FBLN5: variants seen among roughly 807,000 people sequenced by gnomAD.
FBLN5 encodes the protein fibulin 5.
In FBLN5, 24 loss-of-function variants were observed where a neutral mutation model predicts 61.6. That is an observed-to-expected ratio of 0.39 (90% CI 0.28 to 0.55). The LOEUF (loss-of-function observed/expected upper bound fraction) is 0.55. Among genes scored for constraint, FBLN5 ranks in the 20% least tolerant of loss-of-function variants. The pLI is 0.65. For missense variants in FBLN5, 470 were observed against 594.1 expected (o/e 0.79, Z 2.17); for synonymous variants, 213 against 219.8 (o/e 0.97, Z 0.27).
intron 2 of FBLN5, chr14:91,942,270 A>T: frequency 2.3e-6 from 1 of 438,680 alleles, no homozygotes; most frequent in South Asian, 1.6e-5. Flanking sequence ...TACTCCTCTG[A>T]GGGGTTTCAG....
chr14:91,883,568 C>T (rs1482526313), intron 7 of FBLN5, among the ~76,000 whole-genome samples: 3 of 137,880 alleles, frequency 2.2e-5, no homozygotes, highest in African/African-American at 7.9e-5. Context: ...ACTTCAGGAA[C>T]AATATTGTTC....
At chr14:91,914,909 C>T (rs1358472171) in intron 4 of FBLN5, among the ~76,000 whole-genome samples, 1 of 151,736 alleles carries the variant, frequency 6.6e-6, no homozygotes, top group Non-Finnish European at 1.5e-5. Context: ...CCTGTAATCC[C>T]AGCACTTTGG....
Position 91,937,116 on chromosome 14 carries a change from G to A in FBLN5, c.210C>T (p.Pro70=), listed in dbSNP as rs756637416. The A allele has an allele frequency of 1.9e-6, 3 of 1,613,936 alleles. No homozygotes were observed. The highest frequency in any genetic ancestry group is 3.3e-5 in the Admixed American group (2 of 59,976). Residue 70 remains proline, a synonymous_variant, in exon 4 of 11, where the codon CCC becomes CCT. Transcript: ENST00000342058. ...GCCCTCGATACACAGGGTTTGTCCG[G>A]GGAATGCATAAATACCCGCCATTTT... ...VNQNGGYLCI[P]RTNPVYRGPY... is the part of the protein sequence containing the mutation.
intron 4 of FBLN5, among the ~76,000 whole-genome samples, chr14:91,920,742 C>T (rs894678985): frequency 1.2e-4 from 18 of 152,194 alleles, no homozygotes; most frequent in African/African-American, 4.1e-4. Flanking sequence ...TCCTGGCAAG[C>T]CTCCAACCCA....
chr14:91,947,449 C>G lies in FBLN5; in HGVS notation c.-220G>C. ...CGCAAGCACCTGGTTTTGCTTAGCC[C>G]TCTTCAGTAATTCAGCATTAAACCA... is the stretch of plus-strand genomic sequence containing the variant. On this transcript the variant is annotated 5_prime_UTR_variant, in exon 1 of 11. Coordinates refer to ENST00000342058, the MANE Select transcript of FBLN5 (RefSeq NM_006329.4). This position sits in a 1 kb window ranked among gnomAD's most constrained non-coding sequence, Gnocchi z 4.3. 1.6e-6 allele frequency: 1 copy of G among 626,996 alleles called. No homozygotes were observed. Among genetic ancestry groups the G allele is most frequent in the South Asian group, 1.9e-5 (1 of 53,410 alleles). 38.8% of individuals were successfully genotyped at this position (626,996 alleles called of 1,614,324 possible). A position where few individuals can be genotyped will look rare whatever the true frequency, so the allele number is the denominator to read the frequency against.
chr14:91,893,015 G>A (rs1018311477), intron 5 of FBLN5, among the ~76,000 whole-genome samples: 25 of 151,932 alleles, frequency 1.6e-4, no homozygotes, highest in Non-Finnish European at 3.1e-4. Flanking sequence ...AGGAATGTCC[G>A]AGTTGCTGGC....
Position 91,881,285 on chromosome 14 carries a change from GACTT to G in FBLN5, c.989+3_989+6del. On this transcript the variant is annotated splice_donor_5th_base_variant and intron_variant, in intron 9 of 10. Coordinates refer to ENST00000342058, the MANE Select transcript of FBLN5 (RefSeq NM_006329.4). ...TTTCTATTCCCCAGGGGGACGCCGT[GACTT>G]ACTTATCACTGATCCTCAGATAAGG... The G allele has an allele frequency of 6.2e-7, 1 of 1,613,998 alleles. No homozygotes were observed. Among genetic ancestry groups the G allele is most frequent in the Non-Finnish European group, 8.5e-7 (1 of 1,179,948 alleles).
At chr14:91,881,091 T>A (rs1222207109) in intron 9 of FBLN5, among the ~76,000 whole-genome samples, 1 of 151,300 alleles carries the variant, frequency 6.6e-6, no homozygotes, top group Non-Finnish European at 1.5e-5. Context: ...TATTCCAGTC[T>A]GTTCTATCTA....
intron 5 of FBLN5, among the ~76,000 whole-genome samples, chr14:91,893,101 G>C (rs1030080538): frequency 6.6e-6 from 1 of 151,940 alleles, no homozygotes; most frequent in Non-Finnish European, 1.5e-5. Flanking sequence ...CGCCCCTTGT[G>C]GTGGGAAAAA....
intron 3 of FBLN5, chr14:91,939,986 C>T (rs573227063): frequency 5.5e-5 from 25 of 453,634 alleles, no homozygotes; most frequent in South Asian, 2.2e-4. Flanking sequence ...AAGTGAGAAA[C>T]GCTTGACTCG....
At chr14:91,910,769 G>A (rs1378165836) in intron 4 of FBLN5, among the ~76,000 whole-genome samples, 1 of 152,052 alleles carries the variant, frequency 6.6e-6, no homozygotes, top group South Asian at 2.1e-4. Flanking sequence ...ACGGAATCAG[G>A]GTAGAGTGCT....
intron 9 of FBLN5, among the ~76,000 whole-genome samples, chr14:91,880,997 C>T (rs1329862853): frequency 6.6e-6 from 1 of 152,114 alleles, no homozygotes; most frequent in Non-Finnish European, 1.5e-5. Context: ...CTTTGCACTG[C>T]AAACCAGTAG....
intron 10 of FBLN5, among the ~76,000 whole-genome samples, chr14:91,871,148 G>A (rs78742820): frequency 0.011 from 1,559 of 147,330 alleles, 23 homozygotes; most frequent in African/African-American, 0.035. Flanking sequence ...ATGTACTCTT[G>A]AAAGTGGAAT....
At chr14:91,918,053 C>T (rs1891270229) in intron 4 of FBLN5, among the ~76,000 whole-genome samples, 1 of 152,206 alleles carries the variant, frequency 6.6e-6, no homozygotes, top group African/African-American at 2.4e-5. Context: ...CTGTACCACC[C>T]ATGAACCAGT....
At chr14:91,924,685 G>A (rs1479211839) in intron 4 of FBLN5, among the ~76,000 whole-genome samples, 8 of 152,122 alleles carry the variant, frequency 5.3e-5, no homozygotes, top group East Asian at 1.9e-4. Flanking sequence ...ATACAATGGC[G>A]AATAAGACAG....
chr14:91,922,370 A>G (rs2402088), intron 4 of FBLN5, among the ~76,000 whole-genome samples: 73,192 of 151,524 alleles, frequency 0.48, 19,017 homozygotes, highest in Admixed American at 0.58. Flanking sequence ...TGAAGGGAAG[A>G]ACATTCCTAG....
At chr14:91,889,863 T>G (rs779139249) in intron 6 of FBLN5, among the ~76,000 whole-genome samples, 2 of 152,226 alleles carry the variant, frequency 1.3e-5, no homozygotes, top group Non-Finnish European at 2.9e-5. Flanking sequence ...GTCACACACC[T>G]GTCCCTCAGA....
Position 91,877,686 on chromosome 14 carries a change from T to G in FBLN5, c.990-4A>C, listed in dbSNP as rs372910807. ...CTCAGCAGGACACATACAGCGGCTG[T>G]GGAAAGGGAAATCACGTGAGAACTC... On this transcript the variant is annotated splice_polypyrimidine_tract_variant and splice_region_variant and intron_variant, in intron 9 of 10. Coordinates refer to ENST00000342058, the MANE Select transcript of FBLN5 (RefSeq NM_006329.4). 4.3e-6 allele frequency: 7 copies of G among 1,613,176 alleles called. No homozygotes were observed. The African/African-American group carries it at 9.4e-5, about 22-fold the overall frequency.
chr14:91,945,555 G>C (rs1159129670), intron 1 of FBLN5, among the ~76,000 whole-genome samples: 1 of 152,104 alleles, frequency 6.6e-6, no homozygotes, highest in Non-Finnish European at 1.5e-5. Context: ...CTGAATTCTG[G>C]GGCCCGTTAC....
Sources: allele counts gnomAD v4.1 joint callset (sites outside exome capture counted in the v4.1 genomes callset), GRCh38; gene constraint gnomAD v4.1.1; non-coding constraint Gnocchi (gnomAD v3.1); transcripts MANE v1.5; gene names NCBI Gene and HGNC (gene_info 2026-07-23, HGNC 2026-07-21).